CPQ: variants seen among roughly 807,000 people sequenced by gnomAD.
CPQ encodes the protein carboxypeptidase Q, also known as Ser-Met dipeptidase.
Under a neutral mutation model 45.7 loss-of-function variants are expected in CPQ, and 37 were observed. The ratio of observed to expected loss-of-function variants is 0.81; its 90% CI spans 0.62 to 1.07. CPQ has a LOEUF of 1.07. CPQ is among the 50% of genes least tolerant of loss of function. CPQ has a pLI of 0.00. For synonymous variants in CPQ, 186 were observed against 205.8 expected (o/e 0.90, Z 0.82); for missense variants, 537 against 572.9 (o/e 0.94, Z 0.64).
At chr8:97,044,987 G>A (rs563052272) in intron 6 of CPQ, among the ~76,000 whole-genome samples, 53 of 152,214 alleles carry the variant, frequency 3.5e-4, no homozygotes, top group African/African-American at 4.3e-4. Context: ...CTCCAGCTGC[G>A]TGCTGGGAGA....
At chr8:97,091,413 A>T (rs578002274) in intron 7 of CPQ, among the ~76,000 whole-genome samples, 1 of 152,292 alleles carries the variant, frequency 6.6e-6, no homozygotes, top group African/African-American at 2.4e-5. Context: ...CCATGAGATT[A>T]GTTATTTGTT....
At chr8:97,095,753 C>T (rs539512094) in intron 7 of CPQ, among the ~76,000 whole-genome samples, 19 of 152,236 alleles carry the variant, frequency 1.2e-4, no homozygotes, top group African/African-American at 3.1e-4. Flanking sequence ...GCACAGAGAG[C>T]GTCTTAACAC....
intron 7 of CPQ, among the ~76,000 whole-genome samples, chr8:97,083,048 A>G (rs536092286): frequency 6.6e-6 from 1 of 152,314 alleles, no homozygotes; most frequent in Admixed American, 6.5e-5. Context: ...CATCACTTAT[A>G]GCAGTGTGCT....
chr8:96,842,455 C>A (rs1040452283), intron 3 of CPQ, among the ~76,000 whole-genome samples: 1 of 152,174 alleles, frequency 6.6e-6, no homozygotes, highest in Non-Finnish European at 1.5e-5. Flanking sequence ...TTAACTCACT[C>A]TGAAGCTCAT....
At chr8:96,840,228 A>C (rs1467931666) in intron 3 of CPQ, among the ~76,000 whole-genome samples, 1 of 152,156 alleles carries the variant, frequency 6.6e-6, no homozygotes, top group Non-Finnish European at 1.5e-5. Flanking sequence ...ATTTGGGTAA[A>C]ACACAAGCAG....
At chr8:96,787,054 C>A (rs886904886) in intron 2 of CPQ, among the ~76,000 whole-genome samples, 5 of 151,592 alleles carry the variant, frequency 3.3e-5, no homozygotes, top group South Asian at 2.1e-4. Flanking sequence ...TATTTTATTT[C>A]TTTTGTTGCC....
At chr8:96,963,796 C>G (rs931925737) in intron 4 of CPQ, among the ~76,000 whole-genome samples, 2 of 152,124 alleles carry the variant, frequency 1.3e-5, no homozygotes, top group African/African-American at 4.8e-5. Flanking sequence ...CAGAACATGA[C>G]CAGCACCCCA....
At chr8:96,802,489 T>C (rs1811019903) in intron 2 of CPQ, among the ~76,000 whole-genome samples, 1 of 152,208 alleles carries the variant, frequency 6.6e-6, no homozygotes. Flanking sequence ...TGAAGGCACT[T>C]TGATTTCTCC....
chr8:97,010,021 G>A (rs112580673), intron 5 of CPQ, among the ~76,000 whole-genome samples: 1 of 152,162 alleles, frequency 6.6e-6, no homozygotes, highest in African/African-American at 2.4e-5. Context: ...CTTGAAGAGG[G>A]GTTAGAAGGT....
intron 1 of CPQ, among the ~76,000 whole-genome samples, chr8:96,692,584 C>T (rs149946230): frequency 0.021 from 3,149 of 152,202 alleles, 120 homozygotes; most frequent in African/African-American, 0.072. Flanking sequence ...ACCATGAAGG[C>T]GATAACTCTA....
chr8:96,852,826 T>C (rs1811789150), intron 3 of CPQ, among the ~76,000 whole-genome samples: 1 of 152,228 alleles, frequency 6.6e-6, no homozygotes, highest in Non-Finnish European at 1.5e-5. Flanking sequence ...TCTATTCTTA[T>C]TTGTTCATGG....
intron 1 of CPQ, among the ~76,000 whole-genome samples, chr8:96,709,919 T>C (rs7831340): frequency 0.36 from 54,054 of 151,926 alleles, 9,901 homozygotes; most frequent in East Asian, 0.61. Context: ...GGAGGATTCC[T>C]TCTTTCTCAA....
intron 6 of CPQ, among the ~76,000 whole-genome samples, chr8:97,042,823 C>T (rs1342282122): frequency 4.6e-5 from 7 of 151,858 alleles, no homozygotes; most frequent in East Asian, 3.9e-4. Flanking sequence ...TCCTGAGTTC[C>T]AGTTTGATTG....
intron 1 of CPQ, among the ~76,000 whole-genome samples, chr8:96,774,693 G>A (rs1405311296): frequency 1.3e-5 from 2 of 152,160 alleles, no homozygotes; most frequent in Non-Finnish European, 1.5e-5. Context: ...AATAAAGGGA[G>A]AGCAAGTTTG....
At chr8:97,070,665 A>C (rs1266386789) in intron 7 of CPQ, among the ~76,000 whole-genome samples, 2 of 152,214 alleles carry the variant, frequency 1.3e-5, no homozygotes, top group African/African-American at 2.4e-5. Context: ...GCAAAGACTG[A>C]GAGAAGATGT....
In CPQ at chr8:96,918,835, T is replaced by C. The variant is rs145154548; in HGVS notation, c.849+38830T>C. On this transcript the variant is annotated intron_variant, in intron 4 of 7. Coordinates refer to ENST00000220763, the MANE Select transcript of CPQ (RefSeq NM_016134.4). ...AAGGATGTGGGTTTCAGTTGCCTCA[T>C]TGGGCATGAAGGGCTTAGGGACCTA... is the stretch of plus-strand genomic sequence containing the variant. Among the ~76,000 whole-genome samples, 908 of 152,242 alleles carry C rather than the reference T, an allele frequency of 6.0e-3. 5 individuals carry two copies. The highest frequency in any genetic ancestry group is 0.01 in the Middle Eastern group (3 of 294).
At chr8:96,845,072 C>G (rs1467576764) in intron 3 of CPQ, among the ~76,000 whole-genome samples, 1 of 152,192 alleles carries the variant, frequency 6.6e-6, no homozygotes, top group African/African-American at 2.4e-5. Context: ...AATGCTGTTT[C>G]CCTGCTTTGT....
chr8:96,816,548 G>A (rs112606649), intron 2 of CPQ, among the ~76,000 whole-genome samples: 11 of 152,048 alleles, frequency 7.2e-5, no homozygotes, highest in African/African-American at 2.4e-4. Flanking sequence ...ATGGAATCTA[G>A]AATGGTGAAT....
At chr8:96,653,733 C>T (rs1815604267) in intron 1 of CPQ, among the ~76,000 whole-genome samples, 1 of 152,098 alleles carries the variant, frequency 6.6e-6, no homozygotes, top group Non-Finnish European at 1.5e-5. Context: ...GGAAGTGAAT[C>T]ACCATAAAGG....
Sources: allele counts gnomAD v4.1 joint callset (sites outside exome capture counted in the v4.1 genomes callset), GRCh38; gene constraint gnomAD v4.1.1; transcripts MANE v1.5; gene names NCBI Gene and HGNC (gene_info 2026-07-23, HGNC 2026-07-21).